The following RAB3IP variants were observed in gnomAD, a reference collection of about 807,000 sequenced individuals.
The protein encoded by RAB3IP is rab-3A-interacting protein.
In RAB3IP, 36 loss-of-function variants were observed where a neutral mutation model predicts 59.1. The observed-to-expected ratio is 0.61, with a 90% CI of 0.47 to 0.80. The LOEUF (loss-of-function observed/expected upper bound fraction) is 0.80. Ranked by LOEUF, RAB3IP falls within the 30% of genes least tolerant of loss-of-function variation. RAB3IP has a pLI of 0.00. For synonymous variants in RAB3IP, 207 were observed against 191.2 expected (o/e 1.08, Z -0.68); for missense variants, 511 against 536.0 (o/e 0.95, Z 0.46).
intron 1 of RAB3IP, among the ~76,000 whole-genome samples, chr12:69,747,315 TG>T (rs879362133): frequency 8.4e-5 from 12 of 142,708 alleles, no homozygotes; most frequent in African/African-American, 1.3e-4. Flanking sequence ...TGTGTGTGTG[TG>T]TGTGTGTGTG....
Position 69,821,769 on chromosome 12 carries a change from A to G in RAB3IP, c.*6323A>G, listed in dbSNP as rs1255723110. ...GACAACACTTGGGTGGAGCTGAGTG[A>G]CTCCACCTGTCGGGTGGCTACACCC... On this transcript the variant is annotated 3_prime_UTR_variant, in exon 11 of 11. Coordinates refer to ENST00000247833, the MANE Select transcript of RAB3IP (RefSeq NM_022456.5). 6.6e-6 allele frequency: 1 copy of G among 151,942 alleles called. No homozygotes were observed. The highest frequency in any genetic ancestry group is 1.5e-5 in the Non-Finnish European group (1 of 67,990). 9.4% of individuals were successfully genotyped at this position (151,942 alleles called of 1,614,324 possible). A position where few individuals can be genotyped will look rare whatever the true frequency, so the allele number is the denominator to read the frequency against.
intron 8 of RAB3IP, among the ~76,000 whole-genome samples, chr12:69,806,504 C>G: frequency 6.7e-6 from 1 of 148,616 alleles, no homozygotes; most frequent in Non-Finnish European, 1.5e-5. Context: ...TCCTTCAGTT[C>G]TGCTCTGATC....
chr12:69,822,260 T>G lies in RAB3IP; in HGVS notation c.*6814T>G, dbSNP rs1565948989. On this transcript the variant is annotated 3_prime_UTR_variant, in exon 11 of 11. Coordinates refer to ENST00000247833, the MANE Select transcript of RAB3IP (RefSeq NM_022456.5). ...CATCCAGCCAGTAACCATTGCTTTG[T>G]TTTACATCGCGTGCTTCAGGCTTTA... The G allele has an allele frequency of 6.6e-6, 1 of 152,190 alleles. No homozygotes were observed. The highest frequency in any genetic ancestry group is 1.5e-5 in the Non-Finnish European group (1 of 68,030). The allele number at this position is 152,190 out of a possible 1,614,324, so 9.4% of individuals were successfully genotyped here.
intron 8 of RAB3IP, among the ~76,000 whole-genome samples, chr12:69,805,893 G>T (rs1192341730): frequency 6.6e-6 from 1 of 151,664 alleles, no homozygotes; most frequent in African/African-American, 2.4e-5. Flanking sequence ...GCTGGATTCG[G>T]TTTGCCAGTA....
chr12:69,744,855 T>C (rs939002819), intron 1 of RAB3IP, among the ~76,000 whole-genome samples: 1 of 152,110 alleles, frequency 6.6e-6, no homozygotes, highest in Non-Finnish European at 1.5e-5. Context: ...TCTTAAAAGA[T>C]AAATGTGATT....
At chr12:69,780,495 C>G (rs541293262) in intron 3 of RAB3IP, among the ~76,000 whole-genome samples, 2 of 152,216 alleles carry the variant, frequency 1.3e-5, no homozygotes, top group Non-Finnish European at 2.9e-5. Flanking sequence ...GCTCCCTGCA[C>G]AGGTGGGGCA....
At chr12:69,745,335 T>G (rs1868291408) in intron 1 of RAB3IP, among the ~76,000 whole-genome samples, 1 of 152,072 alleles carries the variant, frequency 6.6e-6, no homozygotes, top group African/African-American at 2.4e-5. Flanking sequence ...TAACACTAAT[T>G]CCTTGGTATA....
At chr12:69,799,610 C>T (rs143145128) in intron 6 of RAB3IP, among the ~76,000 whole-genome samples, 202 of 151,940 alleles carry the variant, frequency 1.3e-3, no homozygotes, top group African/African-American at 4.6e-3. Context: ...GAAGGCTTTA[C>T]GTATTCTTTT....
intron 4 of RAB3IP, among the ~76,000 whole-genome samples, chr12:69,788,248 G>A (rs1876024478): frequency 1.3e-5 from 2 of 151,876 alleles, no homozygotes; most frequent in African/African-American, 4.8e-5. Flanking sequence ...TGCAGAAATC[G>A]GTAGAATATA....
intron 1 of RAB3IP, among the ~76,000 whole-genome samples, chr12:69,747,406 G>T (rs1868498670): frequency 1.3e-5 from 2 of 151,604 alleles, no homozygotes; most frequent in Admixed American, 1.3e-4. Context: ...GTTCGCTATA[G>T]CCTCAACCTT....
intron 3 of RAB3IP, among the ~76,000 whole-genome samples, chr12:69,767,405 C>T (rs550298122): frequency 6.6e-6 from 1 of 152,218 alleles, no homozygotes; most frequent in African/African-American, 2.4e-5. Context: ...GTGGTCTGAG[C>T]TCCCTGCTCA....
rs1256250967 is a variant in RAB3IP, at chr12:69,756,578, T to C, written c.425T>C (p.Leu142Pro). The change falls in exon 3 of 11, where the codon CTG becomes CCG. Residue 142 changes from leucine to proline, a missense_variant. By Grantham distance (98) the Leu-to-Pro change is moderately conservative. Coordinates refer to ENST00000247833, the MANE Select transcript of RAB3IP (RefSeq NM_022456.5). ...DDIFGLSTDS[L>P]SRLRSPSVLE... Reference sequence around the variant, plus strand: ...ATTTTTGGGTTGAGTACTGATAGTCTGTCTCGTTTACGAAGCCCATCTGTT... The same window carrying C: ...ATTTTTGGGTTGAGTACTGATAGTCCGTCTCGTTTACGAAGCCCATCTGTT... 2 of 1,614,170 alleles carry C rather than the reference T, an allele frequency of 1.2e-6. No homozygotes were observed. Among genetic ancestry groups the C allele is most frequent in the Non-Finnish European group, 8.5e-7 (1 of 1,179,982 alleles).
intron 3 of RAB3IP, among the ~76,000 whole-genome samples, chr12:69,772,734 T>C (rs1873354626): frequency 6.6e-6 from 1 of 152,196 alleles, no homozygotes; most frequent in Non-Finnish European, 1.5e-5. Flanking sequence ...ATTTATATCT[T>C]TGTGTATTGT....
chr12:69,756,568 A>G lies in RAB3IP; in HGVS notation c.415A>G (p.Thr139Ala). Reference sequence around the variant, plus strand: ...CAGTGATGATATTTTTGGGTTGAGTACTGATAGTCTGTCTCGTTTACGAAG... The same window carrying G: ...CAGTGATGATATTTTTGGGTTGAGTGCTGATAGTCTGTCTCGTTTACGAAG... ...DGSDDIFGLS[T>A]DSLSRLRSPS... The change falls in exon 3 of 11, where the codon ACT (threonine) becomes GCT (alanine). Residue 139 changes from threonine (T) to alanine (A), a missense_variant. By Grantham distance (58) the Thr-to-Ala change is moderately conservative. Transcript: ENST00000247833. The G allele has an allele frequency of 1.2e-6, 2 of 1,614,168 alleles. No individual in the cohort carries two copies. Among genetic ancestry groups the G allele is most frequent in the Non-Finnish European group, 1.7e-6 (2 of 1,179,992 alleles).
chr12:69,820,533 G>A lies in RAB3IP; in HGVS notation c.*5087G>A, dbSNP rs938143806. The A allele has an allele frequency of 4.8e-5, 7 of 145,408 alleles. No homozygotes were observed. The highest frequency in any genetic ancestry group is 1.8e-4 in the African/African-American group (7 of 38,170). The allele number at this position is 145,408 out of a possible 1,614,324, so 9.0% of individuals were successfully genotyped here. On this transcript the variant is annotated 3_prime_UTR_variant, in exon 11 of 11. Transcript: ENST00000247833. ...CACTTCCCTGCTTAAAGCCCTTTGA[G>A]TGGCTTCCCATTGCACTTAGAAAAA...
chr12:69,792,201 A>G (rs986433790), intron 4 of RAB3IP, among the ~76,000 whole-genome samples: 1 of 152,296 alleles, frequency 6.6e-6, no homozygotes, highest in South Asian at 2.1e-4. Context: ...AGTGTCAGTT[A>G]TGCAGGATAG....
Position 69,817,779 on chromosome 12 carries a change from T to TA in RAB3IP, c.*2343dup, listed in dbSNP as rs138474500. 4.7e-4 allele frequency: 68 copies of TA among 145,198 alleles called. No homozygotes were observed. Among genetic ancestry groups the TA allele is most frequent in the South Asian group, 6.6e-4 (3 of 4,568 alleles). 9.0% of individuals were successfully genotyped at this position (145,198 alleles called of 1,614,324 possible). ...GGGCAACATAGGGAGACCTTGTCTCTAAAAAAAAAACTAAAGCTAAACTAC... is the reference window on the plus strand; with the variant it reads ...GGGCAACATAGGGAGACCTTGTCTCTAAAAAAAAAAACTAAAGCTAAACTAC... On this transcript the variant is annotated 3_prime_UTR_variant, in exon 11 of 11. Coordinates refer to ENST00000247833, the MANE Select transcript of RAB3IP (RefSeq NM_022456.5).
In RAB3IP at chr12:69,818,573, T is replaced by C. The variant is rs1235553107; in HGVS notation, c.*3127T>C. The C allele has an allele frequency of 3.3e-5, 5 of 152,206 alleles. No homozygotes were observed. Among genetic ancestry groups the C allele is most frequent in the Non-Finnish European group, 2.9e-5 (2 of 68,034 alleles). 9.4% of individuals were successfully genotyped at this position (152,206 alleles called of 1,614,324 possible). A position where few individuals can be genotyped will look rare whatever the true frequency, so the allele number is the denominator to read the frequency against. ...ATGTTCTGGAATAAATTAAAATGTC[T>C]ATTTTTAGGAAGGTGTAATGTGTTC... On this transcript the variant is annotated 3_prime_UTR_variant, in exon 11 of 11. Coordinates refer to ENST00000247833, the MANE Select transcript of RAB3IP (RefSeq NM_022456.5).
At chr12:69,795,110 AT>A in intron 5 of RAB3IP, 30 bp from the exon 6 acceptor site, 1 of 1,526,994 alleles carries the variant, frequency 6.5e-7, no homozygotes. Flanking sequence ...AACGTATTTA[AT>A]GTATGTGACT....
Sources: allele counts gnomAD v4.1 joint callset (sites outside exome capture counted in the v4.1 genomes callset), GRCh38; gene constraint gnomAD v4.1.1; transcripts MANE v1.5; gene names NCBI Gene and HGNC (gene_info 2026-07-23, HGNC 2026-07-21).